The following FAM177A1 variants were observed in gnomAD, a reference collection of about 807,000 sequenced individuals.
FAM177A1 encodes family with sequence similarity 177 member A1.
FAM177A1 carries 22 observed loss-of-function variants against 26.1 expected under a neutral mutation model. The observed-to-expected ratio is 0.84, with a 90% confidence interval of 0.60 to 1.20. The LOEUF (loss-of-function observed/expected upper bound fraction) is 1.20, where lower values mean the gene tolerates loss of function less well. Among genes scored for constraint, FAM177A1 ranks in the 50% most tolerant of loss-of-function variants. FAM177A1 has a pLI of 0.00. For synonymous variants in FAM177A1, 95 were observed against 99.3 expected (o/e 0.96, Z 0.26); for missense variants, 296 against 291.1 (o/e 1.02, Z -0.12).
intron 4 of FAM177A1, among the ~76,000 whole-genome samples, chr14:35,079,473 TGAGGTCTTAAGGTGAGAGTGAAGTG>T (rs1257231366): frequency 1.3e-5 from 2 of 152,192 alleles, no homozygotes; most frequent in African/African-American, 4.8e-5. Context: ...TTAAAAGTAG[TGAGGTCTTAAGGTGAGAGTGAAGTG>T]AATTTTGTCT....
chr14:35,076,360 C>T (rs1240367464), intron 2 of FAM177A1, among the ~76,000 whole-genome samples: 2 of 151,656 alleles, frequency 1.3e-5, no homozygotes, highest in African/African-American at 4.9e-5. Flanking sequence ...CCAAACACCG[C>T]ATGTTCTCAC....
At chr14:35,074,112 C>A (rs2045360486) in intron 2 of FAM177A1, among the ~76,000 whole-genome samples, 1 of 152,148 alleles carries the variant, frequency 6.6e-6, no homozygotes, top group African/African-American at 2.4e-5. Flanking sequence ...AGGGACAGAA[C>A]TAATAGAATA....
At chr14:35,077,067 C>A in intron 2 of FAM177A1, 83 bp from the exon 3 acceptor site, 2 of 1,047,598 alleles carry the variant, frequency 1.9e-6, no homozygotes, top group African/African-American at 1.6e-5. Context: ...CGGTGCCTAC[C>A]AAGTATTTGA....
rs372632675 is a variant in FAM177A1 at position 35,053,228 on chromosome 14, G to A, written c.166-50G>A. 9 of 1,530,272 alleles carry A rather than the reference G, an allele frequency of 5.9e-6. No homozygotes were observed. The African/African-American group carries it at 7.0e-5, about 12-fold the overall frequency. The allele number at this position is 1,530,272 out of a possible 1,614,324, so 94.8% of individuals were successfully genotyped here. A position where few individuals can be genotyped will look rare whatever the true frequency, so the allele number is the denominator to read the frequency against. ...CAAAAGTTTTTCACGTGTAATGAAA[G>A]AAAATTAATCTCACTTGAAACTCAT... On this transcript the variant is annotated intron_variant, in intron 1 of 4. Transcript: ENST00000280987.
Position 35,074,256 on chromosome 14 carries a change from C to T in FAM177A1, c.340-2894C>T, listed in dbSNP as rs144738665. ...GCCTCCCGGGTTCAAACGATTCTCCCGTCTCAGTCTCCTGAGTAGCTGGGA... is the reference window on the plus strand; with the variant it reads ...GCCTCCCGGGTTCAAACGATTCTCCTGTCTCAGTCTCCTGAGTAGCTGGGA... On this transcript the variant is annotated intron_variant, in intron 2 of 4. Coordinates refer to ENST00000280987, the MANE Select transcript of FAM177A1 (RefSeq NM_173607.5). Among the ~76,000 whole-genome samples the T allele has an allele frequency of 2.4e-3, 362 of 150,328 alleles. 2 individuals are homozygous for T. The highest frequency in any genetic ancestry group is 8.2e-3 in the African/African-American group (337 of 40,872).
chr14:35,047,448 G>A (rs947022156), intron 1 of FAM177A1, among the ~76,000 whole-genome samples: 1 of 152,120 alleles, frequency 6.6e-6, no homozygotes, highest in Admixed American at 6.6e-5. Flanking sequence ...ATTGGACAGC[G>A]CTGGTTTAGA....
intron 2 of FAM177A1, among the ~76,000 whole-genome samples, chr14:35,062,620 A>G (rs1489313475): frequency 2.0e-5 from 3 of 152,088 alleles, no homozygotes; most frequent in Non-Finnish European, 4.4e-5. Context: ...ATGAGATAAT[A>G]TCTATGAAAA....
Position 35,081,184 on chromosome 14 carries a change from GT to G in FAM177A1, c.668del (p.Val223GlufsTer18). On this transcript the variant is annotated frameshift_variant, in exon 5 of 5. Transcript: ENST00000280987. LOFTEE classifies it high-confidence loss of function. ...VNFEMEGDSEVIMESKQNPVS... is the reference protein window; with the variant it reads ...VNFEMEGDSEXIMESKQNPVS... The stretch of plus-strand genomic sequence containing the variant: ...TTTTGAAATGGAGGGAGACAGTGAA[GT>G]AATTATGGAAAGCAAGCAAAATCCA... 1 of 1,613,126 alleles carries G rather than the reference GT, an allele frequency of 6.2e-7. No individual in the cohort carries two copies. Among genetic ancestry groups the G allele is most frequent in the Non-Finnish European group, 8.5e-7 (1 of 1,179,720 alleles).
intron 2 of FAM177A1, among the ~76,000 whole-genome samples, chr14:35,069,919 C>T (rs888240299): frequency 1.3e-5 from 2 of 150,964 alleles, no homozygotes; most frequent in African/African-American, 4.9e-5. Flanking sequence ...AGTTCAAGAT[C>T]AGCCTTGCCA....
At chr14:35,078,753 G>T (rs533654975) in intron 3 of FAM177A1, among the ~76,000 whole-genome samples, 174 bp from the exon 4 acceptor site, 1 of 152,122 alleles carries the variant, frequency 6.6e-6, no homozygotes, top group East Asian at 1.9e-4. Context: ...TGAAGCCACC[G>T]GTACTTCTTG....
Position 35,057,365 on chromosome 14 carries a change from A to G in FAM177A1, c.339+3914A>G, listed in dbSNP as rs1037850195. On this transcript the variant is annotated intron_variant, in intron 2 of 4. Coordinates refer to ENST00000280987, the MANE Select transcript of FAM177A1 (RefSeq NM_173607.5). The stretch of plus-strand genomic sequence containing the variant: ...TGTGCACCACCATGCCCAGCTTCCC[A>G]TAAGTTTTTGTATGTTATACCTTCT... Among the ~76,000 whole-genome samples the G allele has an allele frequency of 2.6e-5, 4 of 151,994 alleles. No individual in the cohort carries two copies. In the East Asian group the frequency reaches 5.8e-4, roughly 22 times the overall value.
intron 2 of FAM177A1, among the ~76,000 whole-genome samples, chr14:35,059,737 C>G (rs1043764520): frequency 6.6e-6 from 1 of 151,920 alleles, no homozygotes; most frequent in Non-Finnish European, 1.5e-5. Flanking sequence ...TTAGTAGAGA[C>G]GGGGTTTCAC....
At chr14:35,074,105 G>A (rs910653354) in intron 2 of FAM177A1, among the ~76,000 whole-genome samples, 2 of 152,146 alleles carry the variant, frequency 1.3e-5, no homozygotes, top group African/African-American at 2.4e-5. Context: ...TCTCCAGAGG[G>A]ACAGAACTAA....
Position 35,053,348 on chromosome 14 carries a change from G to T in FAM177A1, c.236G>T (p.Arg79Ile), listed in dbSNP as rs139698332. ...GGAAAAAAGAAGAAAGTCCCAAGGA[G>T]AGTCATCCACTTTGTTAGTGGTGAA... ...VIGKKKKVPR[R>I]VIHFVSGETM... Residue 79 changes from arginine (R) to isoleucine (I), a missense_variant, in exon 2 of 5, where the codon AGA (arginine) becomes ATA (isoleucine). Physicochemically the swap from Arg to Ile is moderately conservative, Grantham distance 97 (BLOSUM62 -3). Transcript: ENST00000280987. The T allele has an allele frequency of 4.3e-6, 7 of 1,614,128 alleles. No homozygotes were observed. The highest frequency in any genetic ancestry group is 5.9e-6 in the Non-Finnish European group (7 of 1,180,004).
At position 35,081,227 on chromosome 14, in the gene FAM177A1, A is replaced by G. The variant is rs749194215; in HGVS notation, c.710A>G (p.Ter237=). Residue 237 remains the stop codon, a stop_retained_variant, in exon 5 of 5, where the codon TAA becomes TGA. Coordinates refer to ENST00000280987, the MANE Select transcript of FAM177A1 (RefSeq NM_173607.5). ...CAAAATCCAGTCTCTGTCCCACCAT[A>G]AAATGAAATGACTATCAAGCTTCAA... ...SKQNPVSVPP[*] is the part of the protein sequence containing the mutation. The G allele has an allele frequency of 6.2e-7, 1 of 1,606,752 alleles. No individual in the cohort carries two copies. The highest frequency in any genetic ancestry group is 1.7e-5 in the Admixed American group (1 of 58,202).
intron 2 of FAM177A1, among the ~76,000 whole-genome samples, chr14:35,073,751 C>G (rs1413154185): frequency 2.0e-5 from 3 of 152,120 alleles, no homozygotes; most frequent in Non-Finnish European, 4.4e-5. Flanking sequence ...TAAGGGCAGT[C>G]CTAATCATAA....
intron 2 of FAM177A1, among the ~76,000 whole-genome samples, chr14:35,075,591 TG>T (rs543462815): frequency 1.4e-3 from 218 of 152,120 alleles, no homozygotes; most frequent in African/African-American, 5.1e-3. Context: ...AAGCCAAAAT[TG>T]ACAAATGGGA....
At chr14:35,047,628 A>G (rs1322018928) in intron 1 of FAM177A1, among the ~76,000 whole-genome samples, 1 of 152,152 alleles carries the variant, frequency 6.6e-6, no homozygotes, top group Non-Finnish European at 1.5e-5. Context: ...GCTCGCCTGT[A>G]GTCCCAGCTA....
At chr14:35,072,266 A>G (rs1416373670) in intron 2 of FAM177A1, among the ~76,000 whole-genome samples, 1 of 152,074 alleles carries the variant, frequency 6.6e-6, no homozygotes, top group Non-Finnish European at 1.5e-5. Context: ...CAAAGAAAAG[A>G]TAAAAGAAAG....
Sources: gnomAD v4.1 joint callset for allele counts (sites outside exome capture counted in the v4.1 genomes callset) on GRCh38, gnomAD v4.1.1 for gene constraint, MANE v1.5 for transcripts, NCBI Gene and HGNC (gene_info 2026-07-23, HGNC 2026-07-21) for gene names.